PDCD4: variants seen among roughly 807,000 people sequenced by gnomAD.
The protein encoded by PDCD4 is programmed cell death protein 4.
Under a neutral mutation model 54.0 loss-of-function variants are expected in PDCD4, and 56 were observed. The ratio of observed to expected loss-of-function variants is 1.04; its 90% CI spans 0.84 to 1.30. PDCD4 has a LOEUF of 1.30. Among genes scored for constraint, PDCD4 ranks in the 50% most tolerant of loss-of-function variants. The probability of loss-of-function intolerance (pLI) is 0.00; values close to 1 mark genes in which losing one functional copy is unlikely to be tolerated. For missense variants in PDCD4, 584 were observed against 559.8 expected (o/e 1.04, Z -0.44); for synonymous variants, 186 against 194.8 (o/e 0.95, Z 0.37).
chr10:110,872,960 A>G (rs1221226661), intron 1 of PDCD4, among the ~76,000 whole-genome samples: 2 of 152,164 alleles, frequency 1.3e-5, no homozygotes, highest in East Asian at 1.9e-4. Context: ...AAATGATGAA[A>G]ACGATCAGAA....
chr10:110,895,521 A>C (rs375294954), intron 10 of PDCD4, among the ~76,000 whole-genome samples: 6 of 152,148 alleles, frequency 3.9e-5, no homozygotes, highest in African/African-American at 1.4e-4. Flanking sequence ...TGCTGTTGTG[A>C]ATAGTACCCG....
chr10:110,890,526 T>C (rs778694740), intron 7 of PDCD4, 30 bp from the exon 8 acceptor site: 1 of 1,385,588 alleles, frequency 7.2e-7, no homozygotes, highest in South Asian at 1.3e-5. Flanking sequence ...TGTCCAGCTA[T>C]CAAACTTAAA....
chr10:110,894,258 A>G, intron 9 of PDCD4, 60 bp downstream of exon 9: 1 of 1,017,218 alleles, frequency 9.8e-7, no homozygotes, highest in South Asian at 1.3e-5. Flanking sequence ...TACTGTAGCG[A>G]CTTATGCTTT....
intron 8 of PDCD4, among the ~76,000 whole-genome samples, chr10:110,892,639 G>A (rs1338639139): frequency 6.6e-6 from 1 of 152,140 alleles, no homozygotes; most frequent in Non-Finnish European, 1.5e-5. Flanking sequence ...TGGGATGGTG[G>A]TGGTCCCATA....
At chr10:110,876,364 A>G (rs1437965202) in intron 2 of PDCD4, among the ~76,000 whole-genome samples, 1 of 152,230 alleles carries the variant, frequency 6.6e-6, no homozygotes, top group African/African-American at 2.4e-5. Flanking sequence ...TCCATATTTT[A>G]TAAAAACATG....
rs1332026032 is a variant in PDCD4 at position 110,875,952 on chromosome 10, T to C, written c.-62-14T>C. On this transcript the variant is annotated splice_polypyrimidine_tract_variant and intron_variant, in intron 1 of 11. Coordinates refer to ENST00000280154, the MANE Select transcript of PDCD4 (RefSeq NM_014456.5). ...AAGATCTTGAAGCTTTCTTTTTTTC[T>C]TTTAAAAAAACAGATTCTGAAGGAA... The C allele has an allele frequency of 2.4e-6, 3 of 1,226,120 alleles. No homozygotes were observed. The African/African-American group carries it at 4.7e-5, about 19-fold the overall frequency. The allele number at this position is 1,226,120 out of a possible 1,614,324, so 76.0% of individuals were successfully genotyped here. A position where few individuals can be genotyped will look rare whatever the true frequency, so the allele number is the denominator to read the frequency against.
Position 110,881,374 on chromosome 10 carries a change from G to T in PDCD4, c.185G>T (p.Arg62Leu). Residue 62 changes from arginine (R) to leucine (L), a missense_variant, in exon 3 of 12, where the codon CGA (arginine) becomes CTA (leucine). Coordinates refer to ENST00000280154, the MANE Select transcript of PDCD4 (RefSeq NM_014456.5). ...AGAATTAATGCCAAGGCAAAAAGGCGACTAAGGAAAAACTCATCCCGGGAC... is the reference window on the plus strand; with the variant it reads ...AGAATTAATGCCAAGGCAAAAAGGCTACTAAGGAAAAACTCATCCCGGGAC... ...EARINAKAKR[R>L]LRKNSSRDSG... 1 of 1,614,120 alleles carries T rather than the reference G, an allele frequency of 6.2e-7. No individual in the cohort carries two copies. The highest frequency in any genetic ancestry group is 8.5e-7 in the Non-Finnish European group (1 of 1,180,022).
Position 110,876,121 on chromosome 10 carries a change from T to C in PDCD4, c.43+51T>C, listed in dbSNP as rs943640796. The C allele has an allele frequency of 1.4e-5, 21 of 1,470,384 alleles. No individual in the cohort carries two copies. The Admixed American group carries it at 2.8e-4, about 20-fold the overall frequency. 91.1% of individuals were successfully genotyped at this position (1,470,384 alleles called of 1,614,324 possible). On this transcript the variant is annotated intron_variant, in intron 2 of 11. Transcript: ENST00000280154. Reference sequence around the variant, plus strand: ...TTTTTCTTCGTTTTGAGACAGGATCTTGCTCTGTCACCCAGGCTGGAGTGC... The same window carrying C: ...TTTTTCTTCGTTTTGAGACAGGATCCTGCTCTGTCACCCAGGCTGGAGTGC...
intron 3 of PDCD4, 101 bp downstream of exon 3, chr10:110,881,636 C>A: frequency 2.1e-6 from 2 of 946,730 alleles, no homozygotes; most frequent in Middle Eastern, 2.7e-4. Context: ...GAGAGAGATT[C>A]AAAAAGTGAA....
In PDCD4 at chr10:110,898,383, C is replaced by A; in HGVS notation, c.*295C>A. On this transcript the variant is annotated 3_prime_UTR_variant, in exon 12 of 12. Transcript: ENST00000280154. ...TATTATCTAATCATTCCAAGTTTTG[C>A]ATTGATGTCTGACTGCCACTCCTTT... is the stretch of plus-strand genomic sequence containing the variant. The A allele has an allele frequency of 4.5e-6, 1 of 224,168 alleles. No homozygotes were observed. The highest frequency in any genetic ancestry group is 8.6e-6 in the Non-Finnish European group (1 of 115,708). 13.9% of individuals were successfully genotyped at this position (224,168 alleles called of 1,614,324 possible).
In PDCD4 at chr10:110,878,824, GCTAATAGGTACCAGGTAGTGTGGAAT is replaced by G. The variant is rs539629707; in HGVS notation, c.44-2383_44-2358del. 4.1e-3 allele frequency among the ~76,000 whole-genome samples: 618 copies of G among 152,216 alleles called. 4 individuals carry two copies. The highest frequency in any genetic ancestry group is 0.014 in the African/African-American group (585 of 41,518). ...TAGACCACATATGTAAAGTGCCTTA[GCTAATAGGTACCAGGTAGTGTGGAAT>G]CTAATAGGTACCAGGTAGTGTGGAA... On this transcript the variant is annotated intron_variant, in intron 2 of 11. Transcript: ENST00000280154.
At chr10:110,887,966 A>G in intron 6 of PDCD4, 80 bp downstream of exon 6, 2 of 857,884 alleles carry the variant, frequency 2.3e-6, no homozygotes, top group Non-Finnish European at 1.8e-6. Context: ...CTCCTAGGAA[A>G]TTTTAGTAGA....
intron 6 of PDCD4, among the ~76,000 whole-genome samples, chr10:110,889,318 C>T (rs1336414501): frequency 1.3e-4 from 20 of 151,770 alleles, no homozygotes; most frequent in African/African-American, 2.4e-5. Flanking sequence ...ACAGATGTGG[C>T]CCCCACTCTG....
rs778004668 is a variant in PDCD4, at chr10:110,881,378, A to G, written c.189A>G (p.Leu63=). The change falls in exon 3 of 12, where the codon CTA becomes CTG. Residue 63 remains leucine, a synonymous_variant. Coordinates refer to ENST00000280154, the MANE Select transcript of PDCD4 (RefSeq NM_014456.5). Reference sequence around the variant, plus strand: ...TTAATGCCAAGGCAAAAAGGCGACTAAGGAAAAACTCATCCCGGGACTCTG... The same window carrying G: ...TTAATGCCAAGGCAAAAAGGCGACTGAGGAAAAACTCATCCCGGGACTCTG... ...ARINAKAKRR[L]RKNSSRDSGR... 1 of 1,614,198 alleles carries G rather than the reference A, an allele frequency of 6.2e-7. No individual in the cohort carries two copies. Among genetic ancestry groups the G allele is most frequent in the Non-Finnish European group, 8.5e-7 (1 of 1,180,028 alleles).
chr10:110,886,424 G>A (rs1845670445), intron 5 of PDCD4, among the ~76,000 whole-genome samples: 1 of 152,170 alleles, frequency 6.6e-6, no homozygotes, highest in South Asian at 2.1e-4. Flanking sequence ...GTGTTTGAGG[G>A]TAGTGGATTA....
chr10:110,889,609 C>G lies in PDCD4; in HGVS notation c.854C>G (p.Thr285Ser), dbSNP rs1845725833. 2 of 1,596,500 alleles carry G rather than the reference C, an allele frequency of 1.3e-6. No individual in the cohort carries two copies. Among genetic ancestry groups the G allele is most frequent in the Non-Finnish European group, 1.7e-6 (2 of 1,165,054 alleles). Residue 285 changes from threonine (T) to serine (S), a missense_variant, in exon 7 of 12, where the codon ACT (threonine) becomes AGT (serine). Transcript: ENST00000280154. ...ACCTATATTGATAGTTACAAAGGAA[C>G]TGTAGATTGTGTGCAGGCTAGGTAA... ...CNTYIDSYKG[T>S]VDCVQARAAL...
At chr10:110,878,964 T>C (rs371960669) in intron 2 of PDCD4, among the ~76,000 whole-genome samples, 10 of 152,236 alleles carry the variant, frequency 6.6e-5, no homozygotes, top group African/African-American at 2.2e-4. Context: ...TTACTACTGA[T>C]GGTTATGATG....
intron 6 of PDCD4, among the ~76,000 whole-genome samples, chr10:110,888,752 G>GTA (rs1263761317): frequency 6.6e-6 from 1 of 151,934 alleles, no homozygotes; most frequent in Non-Finnish European, 1.5e-5. Flanking sequence ...TGGCCACATA[G>GTA]TATACCATTT....
intron 8 of PDCD4, chr10:110,890,937 CT>C (rs1314858550): frequency 3.9e-6 from 1 of 259,032 alleles, no homozygotes; most frequent in East Asian, 7.5e-5. Context: ...AAATCTTTTT[CT>C]TATAGTATTA....
Sources: gnomAD v4.1 joint callset for allele counts (sites outside exome capture counted in the v4.1 genomes callset) on GRCh38, gnomAD v4.1.1 for gene constraint, MANE v1.5 for transcripts, NCBI Gene and HGNC (gene_info 2026-07-23, HGNC 2026-07-21) for gene names.